Variants in EEPD1 observed in about 807,000 individuals in gnomAD.
EEPD1 encodes endonuclease/exonuclease/phosphatase family domain-containing protein 1.
EEPD1 carries 17 observed loss-of-function variants against 46.3 expected under a neutral mutation model. The ratio of observed to expected loss-of-function variants is 0.37; its 90% confidence interval spans 0.25 to 0.55. EEPD1 has a LOEUF of 0.55. Among genes scored for constraint, EEPD1 ranks in the 20% least tolerant of loss-of-function variants. The pLI is 0.83. For synonymous variants in EEPD1, 313 were observed against 315.6 expected (o/e 0.99, Z 0.09); for missense variants, 673 against 745.6 (o/e 0.90, Z 1.13).
chr7:36,248,119 G>A (rs1007208443), intron 3 of EEPD1, among the ~76,000 whole-genome samples: 1 of 152,138 alleles, frequency 6.6e-6, no homozygotes. Context: ...GTTGGAGGAC[G>A]TGGACTGGAC....
chr7:36,196,001 G>A (rs760891877), intron 2 of EEPD1, among the ~76,000 whole-genome samples: 6 of 152,174 alleles, frequency 3.9e-5, no homozygotes, highest in Admixed American at 2.0e-4. Flanking sequence ...GACTATATAT[G>A]GTATGGCCTA....
At chr7:36,162,396 A>C (rs1418595248) in intron 2 of EEPD1, among the ~76,000 whole-genome samples, 2 of 152,196 alleles carry the variant, frequency 1.3e-5, no homozygotes, top group African/African-American at 2.4e-5. Flanking sequence ...CTGTAATCCC[A>C]ACTTTGGGAG....
chr7:36,192,028 C>A (rs138843957), intron 2 of EEPD1, among the ~76,000 whole-genome samples: 105 of 152,286 alleles, frequency 6.9e-4, no homozygotes, highest in African/African-American at 2.4e-3. Context: ...TCCGCGTTGT[C>A]GAAACCCCAT....
chr7:36,219,464 G>T (rs773884630), intron 2 of EEPD1, among the ~76,000 whole-genome samples: 2 of 149,224 alleles, frequency 1.3e-5, no homozygotes, highest in Admixed American at 6.7e-5. Flanking sequence ...GCTTGAGTTT[G>T]AAACCAGCCT....
intron 2 of EEPD1, among the ~76,000 whole-genome samples, chr7:36,172,380 C>G (rs370057266): frequency 6.6e-6 from 1 of 152,144 alleles, no homozygotes; most frequent in Non-Finnish European, 1.5e-5. Flanking sequence ...GGACTGGGTT[C>G]GAGAACTTCC....
intron 2 of EEPD1, among the ~76,000 whole-genome samples, chr7:36,177,818 A>G (rs1272182838): frequency 1.3e-5 from 2 of 152,060 alleles, no homozygotes; most frequent in East Asian, 3.9e-4. Context: ...GGTTCAAGCA[A>G]TTCTCCTGCC....
chr7:36,267,039 G>A (rs754723697), intron 3 of EEPD1, among the ~76,000 whole-genome samples: 1 of 152,152 alleles, frequency 6.6e-6, no homozygotes, highest in Non-Finnish European at 1.5e-5. Context: ...GAACATTCAT[G>A]TACAAGTATT....
chr7:36,297,466 A>C (rs1424507511), intron 7 of EEPD1, among the ~76,000 whole-genome samples: 3 of 152,142 alleles, frequency 2.0e-5, no homozygotes. Flanking sequence ...AGATTTCTAA[A>C]TCCTCATTTT....
chr7:36,178,094 C>T (rs1308615890), intron 2 of EEPD1, among the ~76,000 whole-genome samples: 1 of 152,204 alleles, frequency 6.6e-6, no homozygotes, highest in African/African-American at 2.4e-5. Flanking sequence ...CCCTCAGGGC[C>T]TCATCTTCTT....
intron 3 of EEPD1, among the ~76,000 whole-genome samples, chr7:36,273,746 T>C (rs1787145867): frequency 6.6e-6 from 1 of 152,114 alleles, no homozygotes; most frequent in Non-Finnish European, 1.5e-5. Context: ...GCTTAACAGA[T>C]GGGGAGACTG....
intron 3 of EEPD1, among the ~76,000 whole-genome samples, chr7:36,267,953 A>G (rs536732090): frequency 6.6e-6 from 1 of 152,298 alleles, no homozygotes; most frequent in Admixed American, 6.5e-5. Flanking sequence ...GAAGGTGACC[A>G]TCTGCAGACT....
Position 36,239,105 on chromosome 7 carries a change from A to G in EEPD1, c.930+69A>G, listed in dbSNP as rs569638943. On this transcript the variant is annotated intron_variant, in intron 3 of 7. Transcript: ENST00000242108. Reference sequence around the variant, plus strand: ...GAGGGCCACACATAAGAAAAATTCAACTCCCTGTCACCAGAGACAGCCCCT... The same window carrying G: ...GAGGGCCACACATAAGAAAAATTCAGCTCCCTGTCACCAGAGACAGCCCCT... 134 of 1,463,536 alleles carry G rather than the reference A, an allele frequency of 9.2e-5. No individual in the cohort carries two copies. In the African/African-American group the frequency reaches 1.8e-3, roughly 19 times the overall value. 90.7% of individuals were successfully genotyped at this position (1,463,536 alleles called of 1,614,324 possible). A position where few individuals can be genotyped will look rare whatever the true frequency, so the allele number is the denominator to read the frequency against.
intron 2 of EEPD1, among the ~76,000 whole-genome samples, chr7:36,219,398 G>C (rs1786092086): frequency 6.6e-6 from 1 of 151,944 alleles, no homozygotes; most frequent in East Asian, 1.9e-4. Context: ...ACCTGGCTGG[G>C]TGTGGTGGTG....
Position 36,300,812 on chromosome 7 carries a change from A to C in EEPD1, c.*1606A>C, listed in dbSNP as rs532046684. 1 of 152,346 alleles carries C rather than the reference A, an allele frequency of 6.6e-6. No individual in the cohort carries two copies. Among genetic ancestry groups the C allele is most frequent in the African/African-American group, 2.4e-5 (1 of 41,576 alleles). 9.4% of individuals were successfully genotyped at this position (152,346 alleles called of 1,614,324 possible). ...GAGCTCTAAGGGTACTTGGGAATCAATTGTGTCCATTCTGAGGTCTCTCCA... is the reference window on the plus strand; with the variant it reads ...GAGCTCTAAGGGTACTTGGGAATCACTTGTGTCCATTCTGAGGTCTCTCCA... On this transcript the variant is annotated 3_prime_UTR_variant, in exon 8 of 8. Coordinates refer to ENST00000242108, the MANE Select transcript of EEPD1 (RefSeq NM_030636.3).
intron 2 of EEPD1, among the ~76,000 whole-genome samples, chr7:36,173,183 T>C (rs1394389063): frequency 6.6e-6 from 1 of 152,020 alleles, no homozygotes; most frequent in African/African-American, 2.4e-5. Flanking sequence ...CATGCTGTTC[T>C]CATGATAGTG....
intron 2 of EEPD1, 25 bp from the exon 3 acceptor site, chr7:36,238,960 G>A: frequency 1.2e-6 from 2 of 1,601,066 alleles, no homozygotes; most frequent in South Asian, 1.1e-5. Context: ...GTTTTCAAGT[G>A]TGGTTTTGAT....
chr7:36,176,381 G>T (rs1228479533), intron 2 of EEPD1, among the ~76,000 whole-genome samples: 1 of 152,188 alleles, frequency 6.6e-6, no homozygotes, highest in Non-Finnish European at 1.5e-5. Flanking sequence ...AAGAGGCAGG[G>T]TTTCCTACCC....
At chr7:36,272,915 G>A (rs1787132991) in intron 3 of EEPD1, among the ~76,000 whole-genome samples, 1 of 152,220 alleles carries the variant, frequency 6.6e-6, no homozygotes, top group Non-Finnish European at 1.5e-5. Context: ...TCCTTACAAA[G>A]CTCTGAATGC....
Position 36,199,631 on chromosome 7 carries a change from C to G in EEPD1, c.879-39354C>G, listed in dbSNP as rs1785678936. On this transcript the variant is annotated intron_variant, in intron 2 of 7. Transcript: ENST00000242108. ...ACTGCCTGACTTCAGGAACCCTTTTCCCTCTTCTGACTGAGTGACAGCATC... is the reference window on the plus strand; with the variant it reads ...ACTGCCTGACTTCAGGAACCCTTTTGCCTCTTCTGACTGAGTGACAGCATC... Among the ~76,000 whole-genome samples, 3 of 152,176 alleles carry G rather than the reference C, an allele frequency of 2.0e-5. No homozygotes were observed. The South Asian group carries it at 6.2e-4, about 31-fold the overall frequency.
Sources: allele counts gnomAD v4.1 joint callset (sites outside exome capture counted in the v4.1 genomes callset), GRCh38; gene constraint gnomAD v4.1.1; transcripts MANE v1.5; gene names NCBI Gene and HGNC (gene_info 2026-07-23, HGNC 2026-07-21).